Variants in DLGAP2 observed in about 807,000 individuals in gnomAD.
The protein encoded by DLGAP2 is DLG associated protein 2, also known as disks large-associated protein 2.
Under a neutral mutation model 100.3 loss-of-function variants are expected in DLGAP2, and 26 were observed. That is an observed-to-expected ratio of 0.26 (90% CI 0.19 to 0.36). The LOEUF (loss-of-function observed/expected upper bound fraction) is 0.36. Among genes scored for constraint, DLGAP2 ranks in the 10% least tolerant of loss-of-function variants. DLGAP2 has a pLI of 1.00. For synonymous variants in DLGAP2, 886 were observed against 630.1 expected (o/e 1.41, Z -6.08); for missense variants, 1,858 against 1,453.2 (o/e 1.28, Z -4.53).
intron 3 of DLGAP2, among the ~76,000 whole-genome samples, chr8:1,421,908 G>T (rs180936020): frequency 1.4e-4 from 22 of 152,314 alleles, no homozygotes; most frequent in African/African-American, 5.3e-4. Context: ...GGAGGTTGCA[G>T]TGAGCCGTGA....
intron 3 of DLGAP2, among the ~76,000 whole-genome samples, chr8:1,332,189 G>A (rs76247501): frequency 6.0e-4 from 92 of 152,216 alleles, no homozygotes; most frequent in East Asian, 1.4e-3. Context: ...GCGTATTTGC[G>A]TTTATTTGCA....
intron 1 of DLGAP2, among the ~76,000 whole-genome samples, chr8:743,197 G>A (rs931323123): frequency 3.3e-5 from 5 of 152,202 alleles, no homozygotes; most frequent in African/African-American, 1.2e-4. Context: ...AAAATCGGAA[G>A]AAACACATGT....
intron 3 of DLGAP2, among the ~76,000 whole-genome samples, chr8:1,358,505 C>T (rs1801905745): frequency 6.6e-6 from 1 of 152,170 alleles, no homozygotes; most frequent in Non-Finnish European, 1.5e-5. Flanking sequence ...TCACCCACTT[C>T]ACCATAGTCA....
chr8:1,425,632 C>T (rs1452651520), intron 3 of DLGAP2, among the ~76,000 whole-genome samples: 2 of 152,180 alleles, frequency 1.3e-5, no homozygotes, highest in Non-Finnish European at 2.9e-5. Context: ...CATGGTCTTC[C>T]ACAAGCCTAG....
At chr8:842,304 A>G (rs538274072) in intron 1 of DLGAP2, among the ~76,000 whole-genome samples, 45 of 152,284 alleles carry the variant, frequency 3.0e-4, no homozygotes, top group African/African-American at 1.1e-3. Context: ...TGTGTCCTTT[A>G]TACCTGAAGA....
At chr8:1,048,428 C>T (rs1048284503) in intron 2 of DLGAP2, among the ~76,000 whole-genome samples, 8 of 152,102 alleles carry the variant, frequency 5.3e-5, no homozygotes, top group East Asian at 1.9e-4. Flanking sequence ...AACCTGCCAC[C>T]GGGTGTTCAC....
chr8:1,464,798 G>C (rs542616598), intron 3 of DLGAP2, among the ~76,000 whole-genome samples: 8 of 152,342 alleles, frequency 5.3e-5, no homozygotes, highest in Admixed American at 3.3e-4. Context: ...GGGACGTAGA[G>C]AGGCCATCAG....
chr8:1,695,670 C>T (rs1799379953), intron 13 of DLGAP2, among the ~76,000 whole-genome samples: 2 of 152,352 alleles, frequency 1.3e-5, no homozygotes, highest in South Asian at 4.1e-4. Context: ...CCCAGCCCTA[C>T]AGAAAGAGGG....
At position 1,315,614 on chromosome 8, in the gene DLGAP2, A is replaced by C. The variant is rs201766583; in HGVS notation, c.106+56731A>C. On this transcript the variant is annotated intron_variant, in intron 3 of 14. Coordinates refer to ENST00000637795, the MANE Select transcript of DLGAP2 (RefSeq NM_001346810.2). The stretch of plus-strand genomic sequence containing the variant: ...TCCAACAGTGGTCTACACTCGAGAA[A>C]CTCGGCAGCTTTTAAAAATAGAGCG... Among the ~76,000 whole-genome samples the C allele has an allele frequency of 6.3e-4, 87 of 137,704 alleles. No homozygotes were observed. In the East Asian group the frequency reaches 0.02, roughly 32 times the overall value. The allele number at this position is 137,704 out of a possible 152,430, so 90.3% of individuals were successfully genotyped here.
intron 12 of DLGAP2, among the ~76,000 whole-genome samples, chr8:1,682,834 C>T (rs1798991635): frequency 6.6e-6 from 1 of 151,494 alleles, no homozygotes; most frequent in Non-Finnish European, 1.5e-5. Context: ...AACTATTTTT[C>T]TTCAGTAAGG....
chr8:1,683,940 A>G lies in DLGAP2; in HGVS notation c.2704+5311A>G, dbSNP rs187062648. On this transcript the variant is annotated intron_variant, in intron 12 of 14. Transcript: ENST00000637795. ...TATATATATGTGTGTATATATGTGT[A>G]TATATATATGTGTGTATATATATAT... Among the ~76,000 whole-genome samples the G allele has an allele frequency of 8.1e-4, 53 of 65,560 alleles. 2 individuals carry two copies. Among genetic ancestry groups the G allele is most frequent in the East Asian group, 5.2e-3 (10 of 1,930 alleles). The allele number at this position is 65,560 out of a possible 152,430, so 43.0% of individuals were successfully genotyped here.
intron 1 of DLGAP2, among the ~76,000 whole-genome samples, chr8:837,423 A>T (rs1377918819): frequency 6.6e-6 from 1 of 152,358 alleles, no homozygotes; most frequent in Non-Finnish European, 1.5e-5. Context: ...CTCCAAACTG[A>T]AGCACGATGA....
rs1293007285 is a variant in DLGAP2, at chr8:737,751, G to C, written c.-57G>C. 6 of 376,780 alleles carry C rather than the reference G, an allele frequency of 1.6e-5. No individual in the cohort carries two copies. Among genetic ancestry groups the C allele is most frequent in the African/African-American group, 1.3e-4 (6 of 47,656 alleles). The allele number at this position is 376,780 out of a possible 1,614,324, so 23.3% of individuals were successfully genotyped here. A position where few individuals can be genotyped will look rare whatever the true frequency, so the allele number is the denominator to read the frequency against. ...CGCGAGCCCCGGGAGCCGTCGGTCTGAGGAGGGGCCGCTTCGCCATGTCGC... is the reference window on the plus strand; with the variant it reads ...CGCGAGCCCCGGGAGCCGTCGGTCTCAGGAGGGGCCGCTTCGCCATGTCGC... On this transcript the variant is annotated 5_prime_UTR_variant, in exon 1 of 15. Transcript: ENST00000637795.
chr8:937,386 T>A (rs1205264337), intron 2 of DLGAP2, among the ~76,000 whole-genome samples: 1 of 152,238 alleles, frequency 6.6e-6, no homozygotes, highest in Non-Finnish European at 1.5e-5. Context: ...GTCACTGGCT[T>A]TCTCCAAAAA....
At chr8:1,325,807 G>A (rs188429654) in intron 3 of DLGAP2, among the ~76,000 whole-genome samples, 7 of 152,318 alleles carry the variant, frequency 4.6e-5, no homozygotes, top group African/African-American at 1.2e-4. Flanking sequence ...AAGAGTTGTC[G>A]TCAGCTCCTT....
At chr8:1,309,684 C>T (rs753757364) in intron 3 of DLGAP2, among the ~76,000 whole-genome samples, 1 of 152,174 alleles carries the variant, frequency 6.6e-6, no homozygotes, top group East Asian at 1.9e-4. Flanking sequence ...ACCAGGAAAA[C>T]CAACAAGATT....
intron 2 of DLGAP2, among the ~76,000 whole-genome samples, chr8:983,156 T>C (rs113247144): frequency 0.019 from 2,823 of 152,228 alleles, 90 homozygotes; most frequent in African/African-American, 0.065. Flanking sequence ...TAGATAATGT[T>C]CTCTTGAAAA....
At chr8:984,809 C>T (rs557557852) in intron 2 of DLGAP2, among the ~76,000 whole-genome samples, 5 of 152,114 alleles carry the variant, frequency 3.3e-5, no homozygotes, top group Non-Finnish European at 7.4e-5. Flanking sequence ...ACAATGAATG[C>T]AAGTGGCATA....
chr8:1,167,769 A>G (rs938100250), intron 2 of DLGAP2, among the ~76,000 whole-genome samples: 12 of 151,846 alleles, frequency 7.9e-5, no homozygotes, highest in Non-Finnish European at 1.8e-4. Context: ...TTGAACGTCT[A>G]CAGTGTCTGA....
Sources: allele counts gnomAD v4.1 joint callset (sites outside exome capture counted in the v4.1 genomes callset), GRCh38; gene constraint gnomAD v4.1.1; transcripts MANE v1.5; gene names NCBI Gene and HGNC (gene_info 2026-07-23, HGNC 2026-07-21).